The following PLA2G4A variants were observed in gnomAD, a reference collection of about 807,000 sequenced individuals.
The protein encoded by PLA2G4A is cytosolic phospholipase A2.
In PLA2G4A, 40 loss-of-function variants were observed where a neutral mutation model predicts 81.9. The observed-to-expected ratio is 0.49, with a 90% CI of 0.38 to 0.64. The LOEUF is 0.64. Among genes scored for constraint, PLA2G4A ranks in the 30% least tolerant of loss-of-function variants. The pLI is 0.00. For synonymous variants in PLA2G4A, 302 were observed against 296.9 expected (o/e 1.02, Z -0.18); for missense variants, 715 against 905.1 (o/e 0.79, Z 2.69).
intron 1 of PLA2G4A, among the ~76,000 whole-genome samples, chr1:186,830,354 T>G (rs1010450219): frequency 6.6e-6 from 1 of 152,094 alleles, no homozygotes; most frequent in African/African-American, 2.4e-5. Context: ...ATGCCCGTAA[T>G]ACCAGCACTT....
intron 7 of PLA2G4A, among the ~76,000 whole-genome samples, chr1:186,924,721 A>G (rs1359851744): frequency 1.3e-5 from 2 of 151,980 alleles, no homozygotes; most frequent in Admixed American, 1.3e-4. Flanking sequence ...TATGGGGTGC[A>G]TGCCACCATG....
Position 186,941,112 on chromosome 1 carries a change from C to CAAA in PLA2G4A, c.1033+1034_1033+1036dup, listed in dbSNP as rs61665159. Among the ~76,000 whole-genome samples the CAAA allele has an allele frequency of 2.9e-3, 315 of 107,500 alleles. 5 individuals carry two copies. Among genetic ancestry groups the CAAA allele is most frequent in the African/African-American group, 6.4e-3 (200 of 31,048 alleles). The allele number at this position is 107,500 out of a possible 152,430, so 70.5% of individuals were successfully genotyped here. A position where few individuals can be genotyped will look rare whatever the true frequency, so the allele number is the denominator to read the frequency against. On this transcript the variant is annotated intron_variant, in intron 10 of 17. Coordinates refer to ENST00000367466, the MANE Select transcript of PLA2G4A (RefSeq NM_024420.3). ...GGGGCCATAGAGCGAGACTCCGTCT[C>CAAA]AAAAAAAAAAAAAAAAAAGGGCACA... is the stretch of plus-strand genomic sequence containing the variant.
intron 5 of PLA2G4A, among the ~76,000 whole-genome samples, chr1:186,896,932 C>T (rs1201543763): frequency 6.6e-6 from 1 of 152,016 alleles, no homozygotes; most frequent in East Asian, 1.9e-4. Flanking sequence ...GTGCCAGCCA[C>T]CCAGCTATCC....
chr1:186,838,369 A>T (rs1369915801), intron 1 of PLA2G4A, among the ~76,000 whole-genome samples: 1 of 152,228 alleles, frequency 6.6e-6, no homozygotes, highest in Non-Finnish European at 1.5e-5. Flanking sequence ...AAACAAAATA[A>T]AAAACAACCC....
At chr1:186,840,853 A>G (rs773878036) in intron 1 of PLA2G4A, among the ~76,000 whole-genome samples, 21 of 152,240 alleles carry the variant, frequency 1.4e-4, no homozygotes, top group Non-Finnish European at 2.5e-4. Context: ...AATGGCAGCA[A>G]TTAAAGAGGG....
chr1:186,870,354 A>C (rs1177424522), intron 2 of PLA2G4A, 81 bp from the exon 3 acceptor site: 2 of 829,032 alleles, frequency 2.4e-6, no homozygotes, highest in African/African-American at 1.7e-5. Context: ...TTTTAAGTAG[A>C]ATATTTTAAA....
At chr1:186,973,461 T>G (rs950292622) in intron 15 of PLA2G4A, among the ~76,000 whole-genome samples, 2 of 152,070 alleles carry the variant, frequency 1.3e-5, no homozygotes, top group African/African-American at 4.8e-5. Context: ...TTGCAAAGAG[T>G]CTTTCCCCAA....
intron 14 of PLA2G4A, among the ~76,000 whole-genome samples, chr1:186,963,854 A>G (rs1349424474): frequency 2.0e-5 from 3 of 152,242 alleles, no homozygotes; most frequent in African/African-American, 7.2e-5. Flanking sequence ...TACACTGAAT[A>G]AAATATTATG....
intron 8 of PLA2G4A, 38 bp from the exon 9 acceptor site, chr1:186,938,970 T>C (rs752117665): frequency 9.6e-7 from 1 of 1,043,518 alleles, no homozygotes; most frequent in Non-Finnish European, 1.5e-6. Flanking sequence ...TGTGTAATGC[T>C]CTTTATCTTT....
At chr1:186,949,404 G>A (rs199607745) in intron 12 of PLA2G4A, among the ~76,000 whole-genome samples, 10 of 147,148 alleles carry the variant, frequency 6.8e-5, no homozygotes, top group South Asian at 6.6e-4. Flanking sequence ...GAAAAAGAAA[G>A]AAGAAAGAAA....
At chr1:186,917,554 T>C (rs1403435251) in intron 7 of PLA2G4A, among the ~76,000 whole-genome samples, 2 of 152,178 alleles carry the variant, frequency 1.3e-5, no homozygotes, top group African/African-American at 4.8e-5. Context: ...GGTATGTAGC[T>C]TCCAAGTGAT....
At chr1:186,939,414 A>G (rs904231332) in intron 9 of PLA2G4A, among the ~76,000 whole-genome samples, 184 bp downstream of exon 9, 1 of 151,902 alleles carries the variant, frequency 6.6e-6, no homozygotes, top group Non-Finnish European at 1.5e-5. Flanking sequence ...TACCTTTCAA[A>G]CTAGTGCTTA....
intron 14 of PLA2G4A, among the ~76,000 whole-genome samples, chr1:186,962,742 G>C (rs932363523): frequency 2.6e-5 from 4 of 151,918 alleles, no homozygotes; most frequent in Admixed American, 2.6e-4. Flanking sequence ...GGATGGTCTC[G>C]ATCTCCTCAC....
intron 10 of PLA2G4A, among the ~76,000 whole-genome samples, chr1:186,941,477 T>G (rs1656153639): frequency 6.6e-6 from 1 of 152,230 alleles, no homozygotes; most frequent in Admixed American, 6.5e-5. Context: ...TCACATTTGC[T>G]ATTTTATTCC....
intron 3 of PLA2G4A, among the ~76,000 whole-genome samples, chr1:186,877,595 G>A (rs147974627): frequency 2.2e-3 from 327 of 147,424 alleles, no homozygotes; most frequent in African/African-American, 7.8e-3. Context: ...AAACACTTGG[G>A]TATATTTCAC....
At chr1:186,858,407 T>C (rs1176790430) in intron 2 of PLA2G4A, among the ~76,000 whole-genome samples, 2 of 152,202 alleles carry the variant, frequency 1.3e-5, no homozygotes, top group African/African-American at 2.4e-5. Flanking sequence ...GATGTCTTCT[T>C]TTGAGAAGTG....
intron 13 of PLA2G4A, among the ~76,000 whole-genome samples, chr1:186,953,693 C>CTTA (rs1557890029): frequency 4.6e-5 from 7 of 152,060 alleles, no homozygotes; most frequent in Non-Finnish European, 1.0e-4. Flanking sequence ...TTGTAAAGGG[C>CTTA]GATGCAAATA....
At chr1:186,959,355 T>C (rs2102263478) in intron 14 of PLA2G4A, among the ~76,000 whole-genome samples, 1 of 152,290 alleles carries the variant, frequency 6.6e-6, no homozygotes, top group East Asian at 1.9e-4. Flanking sequence ...AAATATATCA[T>C]CCCCAAATAT....
chr1:186,900,665 T>G (rs571413207), intron 5 of PLA2G4A, among the ~76,000 whole-genome samples: 2 of 152,126 alleles, frequency 1.3e-5, no homozygotes, highest in African/African-American at 2.4e-5. Flanking sequence ...GAATTTAGAG[T>G]GTTTTGTGTA....
Sources: allele counts gnomAD v4.1 joint callset (sites outside exome capture counted in the v4.1 genomes callset), GRCh38; gene constraint gnomAD v4.1.1; transcripts MANE v1.5; gene names NCBI Gene and HGNC (gene_info 2026-07-23, HGNC 2026-07-21).